Variants in FBXO34 observed in about 807,000 individuals in gnomAD.
FBXO34 encodes F-box only protein 34.
In FBXO34, 12 loss-of-function variants were observed where a neutral mutation model predicts 24.5. That is an observed-to-expected ratio of 0.49 (90% CI 0.31 to 0.79). The LOEUF (loss-of-function observed/expected upper bound fraction) is 0.79, where lower values mean the gene tolerates loss of function less well. FBXO34 is among the 30% of genes least tolerant of loss of function. FBXO34 has a pLI of 0.04. For synonymous variants in FBXO34, 320 were observed against 311.9 expected, an observed-to-expected ratio of 1.03 and a Z score of -0.27; for missense variants, 823 against 857.7, an observed-to-expected ratio of 0.96 and a Z score of 0.51.
the FBXO34 span, among the ~76,000 whole-genome samples, chr14:55,441,186 G>A: frequency 4.6e-5 from 7 of 151,716 alleles, no homozygotes; most frequent in South Asian, 2.1e-4. Flanking sequence ...CCACCCTGTC[G>A]CCAAGGCTGG....
Position 55,351,145 on chromosome 14 carries a change from A to C in FBXO34, c.755A>C (p.Tyr252Ser), listed in dbSNP as rs201645276. 2 of 1,614,200 alleles carry C rather than the reference A, an allele frequency of 1.2e-6. No individual in the cohort carries two copies. The highest frequency in any genetic ancestry group is 4.5e-5 in the East Asian group (2 of 44,884). Residue 252 changes from tyrosine (Y) to serine (S), a missense_variant, in exon 2 of 2, where the codon TAT (tyrosine) becomes TCT (serine). Tyr to Ser is a moderately radical substitution (Grantham distance 144). Coordinates refer to ENST00000313833, the MANE Select transcript of FBXO34 (RefSeq NM_017943.4). ...SRGVPAVSES[Y>S]SAPGACEEPT... ...GGTGTGCCTGCAGTGTCTGAGTCCT[A>C]TTCTGCCCCAGGAGCTTGTGAAGAA... is the stretch of plus-strand genomic sequence containing the variant.
chr14:55,372,810 C>A (rs939042520), downstream of FBXO34, among the ~76,000 whole-genome samples: 14 of 152,114 alleles, frequency 9.2e-5, no homozygotes. Flanking sequence ...AGGAGACAGG[C>A]AGAAGGGACA....
At position 55,280,527 on chromosome 14, in the gene FBXO34, C is replaced by CTTT. The variant is rs77678519; in HGVS notation, c.-11+9005_-11+9007dup. Among the ~76,000 whole-genome samples, 893 of 125,868 alleles carry CTTT rather than the reference C, an allele frequency of 7.1e-3. 56 individuals carry two copies. The highest frequency in any genetic ancestry group is 0.026 in the African/African-American group (831 of 32,140). The allele number at this position is 125,868 out of a possible 152,430, so 82.6% of individuals were successfully genotyped here. ...ATACTACACCATTTTATATCAGGAA[C>CTTT]TTTTTTTTTTTTTTTTTGAGATGGA... On this transcript the variant is annotated intron_variant, in intron 1 of 1. Transcript: ENST00000313833.
intron 1 of FBXO34, among the ~76,000 whole-genome samples, chr14:55,312,327 G>GT (rs1882772224): frequency 6.6e-6 from 1 of 152,186 alleles, no homozygotes; most frequent in South Asian, 2.1e-4. Flanking sequence ...GCTCTGCAGG[G>GT]TACAGCCCCC....
At chr14:55,439,085 C>T in the FBXO34 span, among the ~76,000 whole-genome samples, 1 of 151,658 alleles carries the variant, frequency 6.6e-6, no homozygotes, top group Non-Finnish European at 1.5e-5. Context: ...CTACAGGCTC[C>T]TGCCACCACG....
chr14:55,382,227 AGAG>A, the FBXO34 span: 1 of 1,603,214 alleles, frequency 6.2e-7, no homozygotes, highest in South Asian at 1.1e-5. Context: ...TTTTCAAGAG[AGAG>A]GGTTTTTAAG....
the FBXO34 span, among the ~76,000 whole-genome samples, chr14:55,414,954 G>C: frequency 6.6e-6 from 1 of 152,184 alleles, no homozygotes; most frequent in Non-Finnish European, 1.5e-5. Context: ...GGGATTATTA[G>C]AGGGGAAAAC....
the FBXO34 span, among the ~76,000 whole-genome samples, chr14:55,437,240 G>A: frequency 1.3e-5 from 2 of 152,268 alleles, no homozygotes; most frequent in African/African-American, 4.8e-5. Context: ...ACTTTGGAAG[G>A]CTGAGGCAGG....
At chr14:55,271,820 C>T (rs1234826277) in intron 1 of FBXO34, 2 of 151,918 alleles carry the variant, frequency 1.3e-5, no homozygotes, top group South Asian at 2.1e-4. Flanking sequence ...TGGGTCCCCG[C>T]TGAAGCCGAG....
At position 55,327,558 on chromosome 14, in the gene FBXO34, C is replaced by A. The variant is rs150121819; in HGVS notation, c.-10-22823C>A. Among the ~76,000 whole-genome samples the A allele has an allele frequency of 1.3e-3, 204 of 152,170 alleles. 1 individual carries two copies. The highest frequency in any genetic ancestry group is 3.4e-3 in the Middle Eastern group (1 of 294). On this transcript the variant is annotated intron_variant, in intron 1 of 1. Coordinates refer to ENST00000313833, the MANE Select transcript of FBXO34 (RefSeq NM_017943.4). ...GTGGTTTGTGAGAGGAAAATGGAGT[C>A]ATTTTCCAATAGCATTAGCTATTGG...
chr14:55,327,666 T>C (rs1042530315), intron 1 of FBXO34, among the ~76,000 whole-genome samples: 2 of 152,110 alleles, frequency 1.3e-5, no homozygotes, highest in Admixed American at 1.3e-4. Context: ...GGATTTTTAC[T>C]TTGGACATGT....
At chr14:55,354,357 A>G (rs963166990), downstream of FBXO34, 1 of 152,204 alleles carries the variant, frequency 6.6e-6, no homozygotes, top group Non-Finnish European at 1.5e-5. Flanking sequence ...GTTATGATTC[A>G]TAATTTAGGT....
Position 55,335,725 on chromosome 14 carries a change from T to G in FBXO34, c.-10-14656T>G, listed in dbSNP as rs150340917. Among the ~76,000 whole-genome samples, 1,338 of 152,322 alleles carry G rather than the reference T, an allele frequency of 8.8e-3. 34 individuals carry two copies. The highest frequency in any genetic ancestry group is 0.031 in the African/African-American group (1,294 of 41,568). On this transcript the variant is annotated intron_variant, in intron 1 of 1. Transcript: ENST00000313833. ...TAATTGATCATTTAAAAATGCTTAT[T>G]ATACTTTTAATCAATCAGTTTCCAT... is the stretch of plus-strand genomic sequence containing the variant.
intron 1 of FBXO34, among the ~76,000 whole-genome samples, chr14:55,330,242 G>A (rs542568719): frequency 1.1e-4 from 16 of 152,122 alleles, no homozygotes; most frequent in African/African-American, 2.4e-4. Flanking sequence ...TTTTGTCTCC[G>A]TAAGTGTTCT....
the FBXO34 span, chr14:55,411,941 C>G: frequency 2.2e-6 from 2 of 917,204 alleles, no homozygotes; most frequent in Non-Finnish European, 3.2e-6. Flanking sequence ...CGGACCCCTC[C>G]GCCGCCGCGT....
intron 1 of FBXO34, among the ~76,000 whole-genome samples, chr14:55,302,290 A>G (rs993188337): frequency 6.6e-6 from 1 of 152,198 alleles, no homozygotes; most frequent in Non-Finnish European, 1.5e-5. Context: ...TCAGCTATAT[A>G]GAGATAGATA....
chr14:55,392,781 T>C, the FBXO34 span, among the ~76,000 whole-genome samples: 16 of 152,252 alleles, frequency 1.1e-4, no homozygotes, highest in Middle Eastern at 6.8e-3. Flanking sequence ...CTTATCTAAG[T>C]AGTCTGATGG....
downstream of FBXO34, among the ~76,000 whole-genome samples, chr14:55,357,009 T>G (rs114669681): frequency 0.02 from 3,003 of 152,288 alleles, 78 homozygotes; most frequent in African/African-American, 0.069. Context: ...AAAGCTAGTG[T>G]TGCAATCTTT....
intron 1 of FBXO34, among the ~76,000 whole-genome samples, chr14:55,287,496 G>A (rs1381598605): frequency 6.6e-6 from 1 of 152,180 alleles, no homozygotes; most frequent in Non-Finnish European, 1.5e-5. Flanking sequence ...ATAATAATGT[G>A]TTCAGGGTAA....
Sources: gnomAD v4.1 joint callset for allele counts (sites outside exome capture counted in the v4.1 genomes callset) on GRCh38, gnomAD v4.1.1 for gene constraint, MANE v1.5 for transcripts, NCBI Gene and HGNC (gene_info 2026-07-23, HGNC 2026-07-21) for gene names.